Variants in FBXL5 observed in about 807,000 individuals in gnomAD.
The protein encoded by FBXL5 is F-box and leucine rich repeat protein 5.
Under a neutral mutation model 78.3 loss-of-function variants are expected in FBXL5, and 26 were observed. The ratio of observed to expected loss-of-function variants is 0.33; its 90% CI spans 0.24 to 0.46. The LOEUF is 0.46. Ranked by LOEUF, FBXL5 falls within the 20% of genes least tolerant of loss-of-function variation. The pLI, the probability that FBXL5 is intolerant of heterozygous loss-of-function variation, is 1.00. For missense variants in FBXL5, 710 were observed against 829.2 expected, an observed-to-expected ratio of 0.86 and a Z score of 1.77; for synonymous variants, 295 against 282.5, an observed-to-expected ratio of 1.04 and a Z score of -0.45.
intron 5 of FBXL5, among the ~76,000 whole-genome samples, chr4:15,634,827 C>T (rs752504419): frequency 6.6e-5 from 10 of 152,018 alleles, no homozygotes; most frequent in Non-Finnish European, 1.3e-4. Flanking sequence ...CCTATCAAAT[C>T]GTGACATAAT....
chr4:15,634,088 C>A (rs1713973195), intron 5 of FBXL5, among the ~76,000 whole-genome samples: 1 of 152,104 alleles, frequency 6.6e-6, no homozygotes, highest in African/African-American at 2.4e-5. Flanking sequence ...AAAATGCCTC[C>A]AGATATTTCA....
chr4:15,613,050 T>A (rs1722376267), intron 9 of FBXL5, among the ~76,000 whole-genome samples: 1 of 152,184 alleles, frequency 6.6e-6, no homozygotes, highest in South Asian at 2.1e-4. Flanking sequence ...ATAACATGCA[T>A]AAACCTTGAA....
chr4:15,624,633 G>T (rs1331054823), intron 9 of FBXL5, among the ~76,000 whole-genome samples: 47 of 149,252 alleles, frequency 3.1e-4, no homozygotes, highest in Admixed American at 3.1e-3. Context: ...TTAATCTGCT[G>T]AAGATTATGC....
chr4:15,653,394 C>T (rs1343751297), intron 1 of FBXL5, among the ~76,000 whole-genome samples: 1 of 152,192 alleles, frequency 6.6e-6, no homozygotes, highest in African/African-American at 2.4e-5. Flanking sequence ...GAGCGACTAA[C>T]TTCTTGAAAA....
chr4:15,647,222 CAAAAAAAAAAAA>C (rs112736448), intron 1 of FBXL5, among the ~76,000 whole-genome samples: 3 of 36,530 alleles, frequency 8.2e-5, no homozygotes, highest in African/African-American at 2.3e-4. Flanking sequence ...GACTCCATCT[CAAAAAAAAAAAA>C]AAAAAAAAAG....
At chr4:15,632,890 C>G (rs1713827175) in intron 5 of FBXL5, among the ~76,000 whole-genome samples, 1 of 152,034 alleles carries the variant, frequency 6.6e-6, no homozygotes, top group African/African-American at 2.4e-5. Context: ...AATTGAATAC[C>G]CTTTATTTCT....
At chr4:15,617,388 A>C (rs1310412031) in intron 9 of FBXL5, among the ~76,000 whole-genome samples, 2 of 145,792 alleles carry the variant, frequency 1.4e-5, no homozygotes, top group Non-Finnish European at 3.1e-5. Flanking sequence ...CTAAAAATAC[A>C]AAAAAAAAAA....
intron 5 of FBXL5, among the ~76,000 whole-genome samples, chr4:15,631,700 G>A (rs1234276184): frequency 6.6e-6 from 1 of 152,132 alleles, no homozygotes; most frequent in Non-Finnish European, 1.5e-5. Flanking sequence ...GTGTCTGTTG[G>A]CTGCATAAAC....
intron 7 of FBXL5, 35 bp from the exon 8 acceptor site, chr4:15,626,990 C>G (rs760387220): frequency 7.1e-7 from 1 of 1,398,818 alleles, no homozygotes; most frequent in Non-Finnish European, 9.9e-7. Flanking sequence ...TAAAGATCTG[C>G]AGAACTTCAG....
At chr4:15,626,787 A>G in intron 8 of FBXL5, 86 bp downstream of exon 8, 1 of 962,548 alleles carries the variant, frequency 1.0e-6, no homozygotes, top group Non-Finnish European at 1.5e-6. Flanking sequence ...ATAGTAAAAA[A>G]TAATAGTATG....
chr4:15,606,542 A>T (rs917441503), intron 10 of FBXL5, among the ~76,000 whole-genome samples: 12 of 152,204 alleles, frequency 7.9e-5, no homozygotes, highest in African/African-American at 2.7e-4. Context: ...TCAAAGAAGA[A>T]GTTTCACAGC....
At chr4:15,655,490 C>CGCCG, upstream of FBXL5, 1 of 658,274 alleles carries the variant, frequency 1.5e-6, no homozygotes, top group Non-Finnish European at 1.9e-6. Flanking sequence ...CGGGCGCGCG[C>CGCCG]AGAGGCTCGC....
chr4:15,660,922 C>G (rs531817844), upstream of FBXL5, among the ~76,000 whole-genome samples: 2 of 151,926 alleles, frequency 1.3e-5, no homozygotes, highest in Admixed American at 6.6e-5. Context: ...ACTAAAAATA[C>G]AAAAATTAGC....
At chr4:15,639,810 T>TTTTG (rs543743302) in intron 3 of FBXL5, among the ~76,000 whole-genome samples, 2 of 152,234 alleles carry the variant, frequency 1.3e-5, no homozygotes, top group African/African-American at 4.8e-5. Flanking sequence ...TCGGGGTTTC[T>TTTTG]TTTGTTTGTT....
chr4:15,656,311 G>C (rs935515413), upstream of FBXL5: 26 of 456,086 alleles, frequency 5.7e-5, no homozygotes, highest in South Asian at 4.0e-4. Flanking sequence ...TGCTCACGCC[G>C]GTCAGTCTTA....
At chr4:15,616,527 G>C (rs140597757) in intron 9 of FBXL5, among the ~76,000 whole-genome samples, 32 of 152,270 alleles carry the variant, frequency 2.1e-4, no homozygotes, top group African/African-American at 7.2e-4. Flanking sequence ...TTCTGTGCTC[G>C]TATCTGAACT....
At chr4:15,674,310 A>G (rs1392089200) in intron 1 of FBXL5, among the ~76,000 whole-genome samples, 1 of 151,362 alleles carries the variant, frequency 6.6e-6, no homozygotes, top group Non-Finnish European at 1.5e-5. Context: ...TAGTACCGCT[A>G]TTGGTACTTT....
At chr4:15,671,749 A>G (rs973363609) in intron 1 of FBXL5, among the ~76,000 whole-genome samples, 1 of 151,998 alleles carries the variant, frequency 6.6e-6, no homozygotes, top group African/African-American at 2.4e-5. Context: ...CTGATAGACT[A>G]TTTTTTTGGT....
intron 6 of FBXL5, among the ~76,000 whole-genome samples, chr4:15,628,946 T>C (rs544539619): frequency 1.4e-4 from 21 of 152,118 alleles, no homozygotes; most frequent in Non-Finnish European, 2.4e-4. Context: ...TAATTTTTTA[T>C]TGATATACAA....
Sources: allele counts gnomAD v4.1 joint callset (sites outside exome capture counted in the v4.1 genomes callset), GRCh38; gene constraint gnomAD v4.1.1; transcripts MANE v1.5; gene names NCBI Gene and HGNC (gene_info 2026-07-23, HGNC 2026-07-21).